Variants in ANKRD31 observed in about 807,000 individuals in gnomAD.
ANKRD31 encodes the protein ankyrin repeat domain 31, also known as ankyrin repeat domain-containing protein 31.
Under a neutral mutation model 186.0 loss-of-function variants are expected in ANKRD31, and 147 were observed. That is an observed-to-expected ratio of 0.79 (90% confidence interval 0.69 to 0.91). ANKRD31 has a LOEUF of 0.91. Among genes scored for constraint, ANKRD31 ranks in the 40% least tolerant of loss-of-function variants. The pLI, the probability that ANKRD31 is intolerant of heterozygous loss-of-function variation, is 0.00. For synonymous variants in ANKRD31, 673 were observed against 736.4 expected (o/e 0.91, Z 1.39); for missense variants, 1,986 against 2,148.8 (o/e 0.92, Z 1.50).
intron 6 of ANKRD31, among the ~76,000 whole-genome samples, chr5:75,197,749 T>C (rs1755565130): frequency 6.6e-6 from 1 of 152,114 alleles, no homozygotes; most frequent in Non-Finnish European, 1.5e-5. Context: ...TATTTCTAAC[T>C]TAAGATTCAA....
chr5:75,097,993 C>T (rs1436665026), intron 22 of ANKRD31, among the ~76,000 whole-genome samples: 1 of 151,532 alleles, frequency 6.6e-6, no homozygotes, highest in Non-Finnish European at 1.5e-5. Flanking sequence ...TTTCTGAGGG[C>T]TCTGTTGTGT....
At chr5:75,190,683 C>T (rs549970321) in intron 9 of ANKRD31, among the ~76,000 whole-genome samples, 2 of 149,320 alleles carry the variant, frequency 1.3e-5, no homozygotes, top group Non-Finnish European at 1.5e-5. Flanking sequence ...GTTCTTTTTA[C>T]TTTTTTCCCC....
At position 75,230,622 on chromosome 5, in the gene ANKRD31, G is replaced by T. The variant is rs533916008; in HGVS notation, c.118C>A (p.Gln40Lys). Residue 40 changes from glutamine to lysine, a missense_variant, in exon 2 of 26, where the codon CAA (glutamine) becomes AAA (lysine). Gln to Lys is a moderately conservative substitution (Grantham distance 53). Coordinates refer to ENST00000506364, the MANE Select transcript of ANKRD31 (RefSeq NM_001372053.1). ...ELPWRRLLFD[Q>K]DASLKSEFSL... is the part of the protein sequence containing the mutation. Reference sequence around the variant, plus strand: ...AACTCAGATTTAAGAGATGCGTCTTGATCAAACAGCAACCTTTCAAATACC... The same window carrying T: ...AACTCAGATTTAAGAGATGCGTCTTTATCAAACAGCAACCTTTCAAATACC... 1 of 1,535,890 alleles carries T rather than the reference G, an allele frequency of 6.5e-7. No individual in the cohort carries two copies. The highest frequency in any genetic ancestry group is 1.4e-5 in the African/African-American group (1 of 72,508).
chr5:75,154,475 C>A, intron 11 of ANKRD31, 130 bp from the exon 12 acceptor site: 1 of 821,620 alleles, frequency 1.2e-6, no homozygotes, highest in Non-Finnish European at 1.6e-6. Context: ...TCTATAAATC[C>A]TTGTCCAATA....
intron 17 of ANKRD31, among the ~76,000 whole-genome samples, chr5:75,132,475 T>G (rs920724861): frequency 2.7e-5 from 4 of 150,806 alleles, no homozygotes; most frequent in Admixed American, 6.6e-5. Flanking sequence ...GAAAAAAGAG[T>G]AAAAAGAAAT....
At chr5:75,190,998 T>C (rs570457317) in intron 9 of ANKRD31, among the ~76,000 whole-genome samples, 12 of 152,278 alleles carry the variant, frequency 7.9e-5, no homozygotes, top group Admixed American at 2.6e-4. Flanking sequence ...GTTAATTTTA[T>C]CATTCTTTAA....
chr5:75,217,199 G>C (rs771494399), intron 3 of ANKRD31, among the ~76,000 whole-genome samples: 2 of 152,174 alleles, frequency 1.3e-5, no homozygotes, highest in Non-Finnish European at 2.9e-5. Context: ...TGTATATTCT[G>C]TTGTCTTCGG....
chr5:75,130,072 T>C (rs1749641519), intron 17 of ANKRD31, among the ~76,000 whole-genome samples: 1 of 152,168 alleles, frequency 6.6e-6, no homozygotes, highest in African/African-American at 2.4e-5. Flanking sequence ...TTGTTCCTTC[T>C]GATGTTCGGA....
chr5:75,136,775 C>T (rs953305534), intron 17 of ANKRD31, among the ~76,000 whole-genome samples: 2 of 152,142 alleles, frequency 1.3e-5, no homozygotes, highest in Non-Finnish European at 2.9e-5. Flanking sequence ...AAATGTCCAT[C>T]AATGATAGAG....
At chr5:75,187,454 A>G (rs1754815458) in intron 10 of ANKRD31, among the ~76,000 whole-genome samples, 1 of 151,554 alleles carries the variant, frequency 6.6e-6, no homozygotes, top group South Asian at 2.1e-4. Context: ...TAACACTGGC[A>G]CATTAAAAAA....
chr5:75,170,806 T>G (rs1326451756), intron 10 of ANKRD31, among the ~76,000 whole-genome samples: 1 of 152,086 alleles, frequency 6.6e-6, no homozygotes, highest in Non-Finnish European at 1.5e-5. Context: ...AAATAAGCAG[T>G]AAACATAAGA....
Position 75,233,277 on chromosome 5 carries a change from G to A in ANKRD31, c.105-2642C>T, listed in dbSNP as rs528716237. 9.2e-5 allele frequency among the ~76,000 whole-genome samples: 14 copies of A among 151,776 alleles called. No individual in the cohort carries two copies. The East Asian group carries it at 2.5e-3, about 28-fold the overall frequency. ...AGGATTTCACCTTGTTGGCCAGGCT[G>A]GTCTCGAACTCCTGACCTCAAGTGA... On this transcript the variant is annotated intron_variant, in intron 1 of 25. Coordinates refer to ENST00000506364, the MANE Select transcript of ANKRD31 (RefSeq NM_001372053.1).
At chr5:75,085,201 G>A (rs1162273518) in intron 23 of ANKRD31, among the ~76,000 whole-genome samples, 1 of 152,002 alleles carries the variant, frequency 6.6e-6, no homozygotes, top group Non-Finnish European at 1.5e-5. Context: ...TTTCTGTCAT[G>A]GTACTTACCT....
At chr5:75,144,568 C>T (rs1751293583) in intron 14 of ANKRD31, among the ~76,000 whole-genome samples, 1 of 152,062 alleles carries the variant, frequency 6.6e-6, no homozygotes, top group Non-Finnish European at 1.5e-5. Context: ...GGAACCCTTC[C>T]TTACCCTCAG....
chr5:75,221,334 C>T (rs569016603), intron 3 of ANKRD31, among the ~76,000 whole-genome samples: 2 of 152,002 alleles, frequency 1.3e-5, no homozygotes, highest in African/African-American at 4.8e-5. Context: ...TTTTAAAAGA[C>T]AAAAAAAGTA....
chr5:75,141,046 T>C (rs182551638), intron 15 of ANKRD31, among the ~76,000 whole-genome samples: 10 of 152,314 alleles, frequency 6.6e-5, no homozygotes, highest in Admixed American at 5.9e-4. Context: ...ATCTGTGTTT[T>C]AACAAGCTTT....
intron 17 of ANKRD31, among the ~76,000 whole-genome samples, chr5:75,123,940 A>G (rs1748998163): frequency 6.6e-6 from 1 of 152,112 alleles, no homozygotes; most frequent in African/African-American, 2.4e-5. Context: ...AAACTATATT[A>G]AACTAAAAAG....
intron 22 of ANKRD31, among the ~76,000 whole-genome samples, chr5:75,101,439 T>C (rs1278584334): frequency 6.6e-6 from 1 of 152,146 alleles, no homozygotes; most frequent in Non-Finnish European, 1.5e-5. Context: ...CTTTATGGTG[T>C]TCTCTGTATT....
chr5:75,178,889 C>A (rs970835422), intron 10 of ANKRD31, among the ~76,000 whole-genome samples: 2 of 152,006 alleles, frequency 1.3e-5, no homozygotes, highest in African/African-American at 4.8e-5. Flanking sequence ...AAGATCAGAG[C>A]AGAACTGAAG....
Sources: gnomAD v4.1 joint callset for allele counts (sites outside exome capture counted in the v4.1 genomes callset) on GRCh38, gnomAD v4.1.1 for gene constraint, MANE v1.5 for transcripts, NCBI Gene and HGNC (gene_info 2026-07-23, HGNC 2026-07-21) for gene names.